SLCO3A1: variants seen among roughly 807,000 people sequenced by gnomAD.
SLCO3A1 encodes solute carrier organic anion transporter family member 3A1, also known as PGE1 transporter.
A neutral mutation model predicts 63.1 loss-of-function variants in SLCO3A1; 27 were observed. The ratio of observed to expected loss-of-function variants is 0.43; its 90% CI spans 0.32 to 0.59. SLCO3A1 has a LOEUF of 0.59. SLCO3A1 is among the 20% of genes least tolerant of loss of function. The probability of loss-of-function intolerance (pLI) is 0.09; values close to 1 mark genes in which losing one functional copy is unlikely to be tolerated. For missense variants in SLCO3A1, 773 were observed against 945.8 expected (o/e 0.82, Z 2.40); for synonymous variants, 473 against 409.9 (o/e 1.15, Z -1.86).
chr15:92,147,911 A>T (rs1286439075), intron 8 of SLCO3A1, among the ~76,000 whole-genome samples: 1 of 152,200 alleles, frequency 6.6e-6, no homozygotes, highest in Admixed American at 6.5e-5. Flanking sequence ...AATCAGGGGA[A>T]GGTACTCTAC....
chr15:91,930,705 G>A (rs1490501764), intron 2 of SLCO3A1, among the ~76,000 whole-genome samples: 1 of 152,234 alleles, frequency 6.6e-6, no homozygotes, highest in South Asian at 2.1e-4. Flanking sequence ...GTCTGTAGGA[G>A]TAATAATAAA....
chr15:92,018,352 A>T (rs1372013550), intron 2 of SLCO3A1, among the ~76,000 whole-genome samples: 2 of 152,138 alleles, frequency 1.3e-5, no homozygotes, highest in African/African-American at 4.8e-5. Flanking sequence ...GGCCCTGGTG[A>T]TGGTTCAGAG....
intron 2 of SLCO3A1, among the ~76,000 whole-genome samples, chr15:91,921,435 A>G (rs1567186593): frequency 6.6e-6 from 1 of 152,204 alleles, no homozygotes; most frequent in East Asian, 1.9e-4. Flanking sequence ...AACAGACACC[A>G]AAGAGATTAG....
chr15:91,930,644 A>T (rs1021342760), intron 2 of SLCO3A1, among the ~76,000 whole-genome samples: 3 of 152,338 alleles, frequency 2.0e-5, no homozygotes. Flanking sequence ...ACGATGTGTC[A>T]GTCCCCGTAC....
chr15:92,163,666 G>C lies in SLCO3A1; in HGVS notation c.*531G>C. The C allele has an allele frequency of 1.0e-6, 1 of 985,380 alleles. No homozygotes were observed. Among genetic ancestry groups the C allele is most frequent in the African/African-American group, 1.7e-5 (1 of 57,334 alleles). 61.0% of individuals were successfully genotyped at this position (985,380 alleles called of 1,614,324 possible). On this transcript the variant is annotated 3_prime_UTR_variant, in exon 10 of 10. Transcript: ENST00000318445. ...GGTGGGGGCGGGCGCACAAGTCGGA[G>C]GGGTGGAAGCACCACTCCTCTCTCT...
At chr15:91,944,978 T>C (rs1026661859) in intron 2 of SLCO3A1, among the ~76,000 whole-genome samples, 1 of 152,216 alleles carries the variant, frequency 6.6e-6, no homozygotes, top group Non-Finnish European at 1.5e-5. Context: ...CAGGCCCTAA[T>C]TGAATTGTCT....
chr15:91,995,439 G>T (rs2046179307), intron 2 of SLCO3A1, among the ~76,000 whole-genome samples: 1 of 152,180 alleles, frequency 6.6e-6, no homozygotes. Flanking sequence ...ATATTGGACA[G>T]CTAGTGTCAT....
Position 91,880,401 on chromosome 15 carries a change from C to CTGTGTG in SLCO3A1, c.180+26314_180+26315insGTGTGT, listed in dbSNP as rs796110200. On this transcript the variant is annotated intron_variant, in intron 1 of 9. Transcript: ENST00000318445. ...CGTGCTTCTCTCTCTCTCTCTCTCT[C>CTGTGTG]TCTCTCTCTGTGTGTGTGTGTGTGT... 6.7e-3 allele frequency among the ~76,000 whole-genome samples: 895 copies of CTGTGTG among 133,450 alleles called. 6 individuals carry two copies. The highest frequency in any genetic ancestry group is 0.024 in the African/African-American group (810 of 33,992). 87.5% of individuals were successfully genotyped at this position (133,450 alleles called of 152,430 possible). A position where few individuals can be genotyped will look rare whatever the true frequency, so the allele number is the denominator to read the frequency against.
intron 5 of SLCO3A1, among the ~76,000 whole-genome samples, chr15:92,121,656 A>T (rs1025679764): frequency 2.0e-5 from 3 of 152,158 alleles, no homozygotes; most frequent in Non-Finnish European, 2.9e-5. Context: ...AGGACATCGG[A>T]GTGGAATTTA....
intron 9 of SLCO3A1, among the ~76,000 whole-genome samples, chr15:92,158,019 C>A (rs1351678996): frequency 6.6e-6 from 1 of 152,174 alleles, no homozygotes; most frequent in African/African-American, 2.4e-5. Flanking sequence ...ATGTGAACTC[C>A]CTGTCTGAGT....
At chr15:92,127,282 A>G (rs184686191) in intron 6 of SLCO3A1, among the ~76,000 whole-genome samples, 110 of 152,344 alleles carry the variant, frequency 7.2e-4, no homozygotes, top group African/African-American at 2.5e-3. Flanking sequence ...TCAACTCCCA[A>G]GGAGTAAAGG....
intron 2 of SLCO3A1, among the ~76,000 whole-genome samples, chr15:91,964,743 G>GTT (rs538771710): frequency 7.4e-6 from 1 of 136,006 alleles, no homozygotes; most frequent in Non-Finnish European, 1.6e-5. Context: ...AAATTAGATA[G>GTT]TTTTTTTTTT....
At chr15:91,932,723 G>A (rs1406411267) in intron 2 of SLCO3A1, among the ~76,000 whole-genome samples, 5 of 152,204 alleles carry the variant, frequency 3.3e-5, no homozygotes, top group African/African-American at 7.2e-5. Flanking sequence ...GATTACAGGC[G>A]TGAGCCACCG....
At chr15:91,975,021 A>T (rs1395186009) in intron 2 of SLCO3A1, among the ~76,000 whole-genome samples, 1 of 152,212 alleles carries the variant, frequency 6.6e-6, no homozygotes, top group Non-Finnish European at 1.5e-5. Flanking sequence ...TCCTATCTGT[A>T]AAATGAGTAG....
In SLCO3A1 at chr15:91,859,956, AG is replaced by A. The variant is rs1897009228; in HGVS notation, c.180+5869del. Among the ~76,000 whole-genome samples, 1 of 152,228 alleles carries A rather than the reference AG, an allele frequency of 6.6e-6. No homozygotes were observed. The highest frequency in any genetic ancestry group is 2.1e-4 in the South Asian group (1 of 4,834). The stretch of plus-strand genomic sequence containing the variant: ...GGACATTTTTGTCTGGGAGGTAAAA[AG>A]TTTTTAAGGGCAAGTAATAAGCTAA... On this transcript the variant is annotated intron_variant, in intron 1 of 9. Transcript: ENST00000318445. This position sits in a 1 kb window ranked among gnomAD's most constrained non-coding sequence, Gnocchi z 5.1.
chr15:92,159,124 T>C (rs554909245), intron 9 of SLCO3A1, among the ~76,000 whole-genome samples: 1 of 152,300 alleles, frequency 6.6e-6, no homozygotes, highest in African/African-American at 2.4e-5. Flanking sequence ...ATTAACTCCA[T>C]TTTAAAGATG....
At chr15:91,937,705 C>G (rs890343356) in intron 2 of SLCO3A1, among the ~76,000 whole-genome samples, 4 of 131,672 alleles carry the variant, frequency 3.0e-5, no homozygotes, top group African/African-American at 5.9e-5. Flanking sequence ...GACGACAGTG[C>G]AAGACTCCAT....
intron 2 of SLCO3A1, among the ~76,000 whole-genome samples, chr15:92,008,321 C>G (rs568579879): frequency 5.4e-4 from 82 of 152,276 alleles, no homozygotes; most frequent in African/African-American, 1.9e-3. Context: ...GTTCGTATCC[C>G]CCTTTCGCCG....
chr15:92,158,941 C>T (rs1363503034), intron 9 of SLCO3A1, among the ~76,000 whole-genome samples: 2 of 152,224 alleles, frequency 1.3e-5, no homozygotes, highest in Non-Finnish European at 2.9e-5. Flanking sequence ...AAAGGTTATA[C>T]TTAAGGTACT....
Sources: allele counts gnomAD v4.1 joint callset (sites outside exome capture counted in the v4.1 genomes callset), GRCh38; gene constraint gnomAD v4.1.1; non-coding constraint Gnocchi (gnomAD v3.1); transcripts MANE v1.5; gene names NCBI Gene and HGNC (gene_info 2026-07-23, HGNC 2026-07-21).